NEDD9: variants seen among roughly 807,000 people sequenced by gnomAD.
NEDD9 encodes the protein enhancer of filamentation 1.
Under a neutral mutation model 76.6 loss-of-function variants are expected in NEDD9, and 26 were observed. That is an observed-to-expected ratio of 0.34 (90% CI 0.25 to 0.47). The LOEUF (loss-of-function observed/expected upper bound fraction) is 0.47. Among genes scored for constraint, NEDD9 ranks in the 20% least tolerant of loss-of-function variants. NEDD9 has a pLI of 1.00. For missense variants in NEDD9, 937 were observed against 1,058.5 expected (o/e 0.89, Z 1.59); for synonymous variants, 392 against 414.2 (o/e 0.95, Z 0.65).
chr6:11,356,252 G>C (rs1199598989), intron 1 of NEDD9, among the ~76,000 whole-genome samples: 4 of 152,076 alleles, frequency 2.6e-5, no homozygotes, highest in Non-Finnish European at 5.9e-5. Flanking sequence ...TAGACCACTG[G>C]TTCCCACACC....
At chr6:11,189,449 A>G (rs1758072110) in intron 5 of NEDD9, among the ~76,000 whole-genome samples, 1 of 152,222 alleles carries the variant, frequency 6.6e-6, no homozygotes, top group African/African-American at 2.4e-5. Context: ...AAGCAATTAT[A>G]CACACACATA....
intron 2 of NEDD9, among the ~76,000 whole-genome samples, chr6:11,197,149 G>T (rs1220960220): frequency 6.6e-6 from 1 of 152,080 alleles, no homozygotes; most frequent in East Asian, 1.9e-4. Flanking sequence ...CTAGGCATTT[G>T]TTCGGTGAGG....
rs1759937128 is a variant in NEDD9 at position 11,252,812 on chromosome 6, C to T, written c.13-39085G>A. Among the ~76,000 whole-genome samples the T allele has an allele frequency of 6.6e-6, 1 of 151,572 alleles. No homozygotes were observed. Among genetic ancestry groups the T allele is most frequent in the Admixed American group, 6.6e-5 (1 of 15,218 alleles). Reference sequence around the variant, plus strand: ...TTGTATGCCCCAGGGCCTAACTATTCTAAGAAAATACATACTTTACATATT... The same window carrying T: ...TTGTATGCCCCAGGGCCTAACTATTTTAAGAAAATACATACTTTACATATT... On this transcript the variant is annotated intron_variant, in intron 3 of 3. Coordinates refer to the NEDD9 transcript ENST00000397378. This position sits in a 1 kb window ranked among gnomAD's most constrained non-coding sequence, Gnocchi z 4.3.
At chr6:11,293,091 T>C (rs1760812345) in intron 3 of NEDD9, among the ~76,000 whole-genome samples, 1 of 152,210 alleles carries the variant, frequency 6.6e-6, no homozygotes, top group Non-Finnish European at 1.5e-5. Flanking sequence ...TAGTTTGTAA[T>C]CATTCACTGC....
chr6:11,282,486 T>A (rs1760555380), intron 3 of NEDD9, among the ~76,000 whole-genome samples: 1 of 152,232 alleles, frequency 6.6e-6, no homozygotes, highest in Non-Finnish European at 1.5e-5. Flanking sequence ...TGTATACAAC[T>A]GCCTGCTCAA....
chr6:11,335,460 C>T (rs1018514976), intron 1 of NEDD9, among the ~76,000 whole-genome samples: 2 of 152,142 alleles, frequency 1.3e-5, no homozygotes, highest in Non-Finnish European at 2.9e-5. Context: ...TGGCATTGGT[C>T]AACAAAAAGG....
chr6:11,226,545 T>A (rs1759315996), intron 1 of NEDD9, among the ~76,000 whole-genome samples: 1 of 152,236 alleles, frequency 6.6e-6, no homozygotes, highest in African/African-American at 2.4e-5. Flanking sequence ...ACTTTACATT[T>A]ATGTCATTCT....
intron 2 of NEDD9, among the ~76,000 whole-genome samples, chr6:11,319,834 ACT>A (rs1439532426): frequency 7.2e-6 from 1 of 138,040 alleles, no homozygotes; most frequent in African/African-American, 2.9e-5. Context: ...AAGCAAATAC[ACT>A]CACGCACTCA....
chr6:11,285,633 C>T (rs1205283583), intron 3 of NEDD9, among the ~76,000 whole-genome samples: 1 of 152,154 alleles, frequency 6.6e-6, no homozygotes, highest in Non-Finnish European at 1.5e-5. Context: ...AATTGCAAAA[C>T]TATACTAATC....
At chr6:11,228,564 G>GT (rs78294541) in intron 1 of NEDD9, among the ~76,000 whole-genome samples, 2 of 151,322 alleles carry the variant, frequency 1.3e-5, no homozygotes, top group Admixed American at 6.6e-5. Context: ...AGAGGAAGGT[G>GT]TTTTTTTCAG....
chr6:11,351,234 C>T (rs1403155509), intron 1 of NEDD9, among the ~76,000 whole-genome samples: 2 of 152,008 alleles, frequency 1.3e-5, no homozygotes, highest in African/African-American at 4.8e-5. Context: ...GGACCAGGAC[C>T]AGGAAAGAAA....
chr6:11,341,033 A>T (rs1046126679), intron 1 of NEDD9, among the ~76,000 whole-genome samples: 9 of 151,820 alleles, frequency 5.9e-5, no homozygotes, highest in African/African-American at 2.2e-4. Context: ...CACCCTTTCC[A>T]TTGACGTCCC....
intron 1 of NEDD9, among the ~76,000 whole-genome samples, chr6:11,367,284 G>A (rs1336532939): frequency 6.6e-6 from 1 of 152,228 alleles, no homozygotes; most frequent in Non-Finnish European, 1.5e-5. Context: ...GATTAAGGAA[G>A]ACAAAAGCTT....
chr6:11,332,312 C>G (rs1762056485), intron 2 of NEDD9, among the ~76,000 whole-genome samples: 1 of 152,194 alleles, frequency 6.6e-6, no homozygotes, highest in African/African-American at 2.4e-5. Flanking sequence ...CCATGTGGTG[C>G]AGTGAACAAT....
At position 11,185,180 on chromosome 6, in the gene NEDD9, C is replaced by T. The variant is rs1172956657; in HGVS notation, c.2487G>A (p.Leu829=). 3 of 1,611,794 alleles carry T rather than the reference C, an allele frequency of 1.9e-6. No homozygotes were observed. The highest frequency in any genetic ancestry group is 3.3e-5 in the Admixed American group (2 of 59,978). ...RNAQLFKRSL[L]EMATF ...TTTCTTCTCAGAACGTTGCCATCTC[C>T]AGCAAAGAGCGCTTGAACAGCTGGG... Residue 829 remains leucine, a synonymous_variant, in exon 7 of 7, where the codon CTG becomes CTA. Coordinates refer to ENST00000379446, the MANE Select transcript of NEDD9 (RefSeq NM_006403.4).
Position 11,380,125 on chromosome 6 carries a change from A to G in NEDD9, c.-214+2014T>C, listed in dbSNP as rs956088743. On this transcript the variant is annotated intron_variant, in intron 1 of 3. Transcript: ENST00000397378. ...GGATCTTCCCCCACTACAACCCTTGAATGGATATGTGGGAAATCAAAACTC... is the reference window on the plus strand; with the variant it reads ...GGATCTTCCCCCACTACAACCCTTGGATGGATATGTGGGAAATCAAAACTC... Among the ~76,000 whole-genome samples the G allele has an allele frequency of 3.9e-5, 6 of 152,334 alleles. No homozygotes were observed. In the East Asian group the frequency reaches 1.2e-3, roughly 29 times the overall value.
chr6:11,190,084 C>A lies in NEDD9; in HGVS notation c.1785G>T (p.Lys595Asn), dbSNP rs772347217. The A allele has an allele frequency of 6.2e-7, 1 of 1,607,544 alleles. No individual in the cohort carries two copies. Among genetic ancestry groups the A allele is most frequent in the South Asian group, 1.1e-5 (1 of 89,804 alleles). ...QGQLLHPGDH[K>N]AQAHNKALPP... is the part of the protein sequence containing the mutation. The stretch of plus-strand genomic sequence containing the variant: ...GCAGTGCCTTGTTGTGGGCCTGGGC[C>A]TTGTGGTCACCAGGATGCAGCAGCT... Residue 595 changes from lysine (K) to asparagine (N), a missense_variant, in exon 5 of 7, where the codon AAG becomes AAT. By Grantham distance (94) the Lys-to-Asn change is moderately conservative. Transcript: ENST00000379446. The surrounding 1 kb of genome is among the most constrained non-coding windows in gnomAD (Gnocchi z 5.8).
intron 2 of NEDD9, among the ~76,000 whole-genome samples, chr6:11,309,129 T>C (rs563454782): frequency 6.6e-6 from 1 of 152,362 alleles, no homozygotes; most frequent in South Asian, 2.1e-4. Context: ...TGACTTCCCC[T>C]GTTTTTAAAC....
rs181625512 is a variant in NEDD9, at chr6:11,207,949, G to A, written c.459+5332C>T. Among the ~76,000 whole-genome samples, 55 of 152,252 alleles carry A rather than the reference G, an allele frequency of 3.6e-4. 1 individual carries two copies. The highest frequency in any genetic ancestry group is 1.8e-3 in the Admixed American group (28 of 15,298). ...TCCCAGCACTTTGGGAACCTGAAGC[G>A]GGCATATCACCTGAGGCCAGGAGTT... On this transcript the variant is annotated intron_variant, in intron 2 of 6. Transcript: ENST00000379446.
Sources: gnomAD v4.1 joint callset for allele counts (sites outside exome capture counted in the v4.1 genomes callset) on GRCh38, gnomAD v4.1.1 for gene constraint, Gnocchi (gnomAD v3.1) non-coding constraint, MANE v1.5 for transcripts, NCBI Gene and HGNC (gene_info 2026-07-23, HGNC 2026-07-21) for gene names.